DDX23: variants seen among roughly 807,000 people sequenced by gnomAD.
The protein encoded by DDX23 is DEAD-box helicase 23, also known as probable ATP-dependent RNA helicase DDX23.
A neutral mutation model predicts 102.7 loss-of-function variants in DDX23; 33 were observed. The observed-to-expected ratio is 0.32, with a 90% CI of 0.24 to 0.43. The LOEUF (loss-of-function observed/expected upper bound fraction) is 0.43, where lower values mean the gene tolerates loss of function less well. Among genes scored for constraint, DDX23 ranks in the 20% least tolerant of loss-of-function variants. The pLI, the probability that DDX23 is intolerant of heterozygous loss-of-function variation, is 1.00. For missense variants in DDX23, 549 were observed against 1,086.6 expected (o/e 0.51, Z 6.96); for synonymous variants, 352 against 376.0 (o/e 0.94, Z 0.74).
rs1448838261 is a variant in DDX23 at position 48,843,921 on chromosome 12, C to T, written c.320+19G>A. On this transcript the variant is annotated intron_variant, in intron 3 of 16. Coordinates refer to ENST00000308025, the MANE Select transcript of DDX23 (RefSeq NM_004818.3). ...AATGGGAGCATTCCCCTAAAGCCCC[C>T]TCTCATTCCTTCATGTACCTGGATC... 1.2e-6 allele frequency: 2 copies of T among 1,612,146 alleles called. No individual in the cohort carries two copies. Among genetic ancestry groups the T allele is most frequent in the African/African-American group, 1.3e-5 (1 of 74,912 alleles).
At chr12:48,848,809 T>C (rs1938711888) in intron 1 of DDX23, among the ~76,000 whole-genome samples, 2 of 150,288 alleles carry the variant, frequency 1.3e-5, no homozygotes, top group African/African-American at 4.9e-5. Flanking sequence ...TGGAGTGCAA[T>C]GGCATGATCT....
intron 1 of DDX23, among the ~76,000 whole-genome samples, chr12:48,851,483 A>AG (rs1938757973): frequency 6.6e-6 from 1 of 152,100 alleles, no homozygotes; most frequent in Non-Finnish European, 1.5e-5. Context: ...AAAAAAAAAA[A>AG]GAAAAGAAAA....
chr12:48,832,570 C>CT lies in DDX23; in HGVS notation c.1806dup (p.Val603SerfsTer35). The CT allele has an allele frequency of 1.2e-6, 2 of 1,613,836 alleles. No individual in the cohort carries two copies. The highest frequency in any genetic ancestry group is 1.7e-6 in the Non-Finnish European group (2 of 1,179,754). ...GGGGGCATGGTGGCCGTGAACATGA[C>CT]TGTCTACGAAAACAGGAGGCTCAGC... On this transcript the variant is annotated frameshift_variant, in exon 14 of 17. Coordinates refer to ENST00000308025, the MANE Select transcript of DDX23 (RefSeq NM_004818.3). The surrounding 1 kb of genome is among the most constrained non-coding windows in gnomAD (Gnocchi z 4.4).
chr12:48,851,235 G>T (rs1009449117), intron 1 of DDX23, among the ~76,000 whole-genome samples: 2 of 152,216 alleles, frequency 1.3e-5, no homozygotes, highest in Admixed American at 6.5e-5. Context: ...ACTTTAAGAG[G>T]CCGAGACAGG....
In DDX23 at chr12:48,832,946, C is replaced by A. The variant is rs922015706; in HGVS notation, c.1803+331G>T. 4.4e-6 allele frequency: 2 copies of A among 451,336 alleles called. No individual in the cohort carries two copies. The highest frequency in any genetic ancestry group is 2.0e-5 in the African/African-American group (1 of 50,726). 28.0% of individuals were successfully genotyped at this position (451,336 alleles called of 1,614,324 possible). On this transcript the variant is annotated intron_variant, in intron 13 of 16. Coordinates refer to ENST00000308025, the MANE Select transcript of DDX23 (RefSeq NM_004818.3). The surrounding 1 kb of genome is among the most constrained non-coding windows in gnomAD (Gnocchi z 4.4). The stretch of plus-strand genomic sequence containing the variant: ...ACATGTACTCTGAGCCCACCTAAGG[C>A]AAGAAAGGCCCAAAAGGAGGTTGGC...
rs762905022 is a variant in DDX23 at position 48,832,391 on chromosome 12, CCT to C, written c.1955+29_1955+30del. On this transcript the variant is annotated intron_variant, in intron 14 of 16. Coordinates refer to ENST00000308025, the MANE Select transcript of DDX23 (RefSeq NM_004818.3). This position sits in a 1 kb window ranked among gnomAD's most constrained non-coding sequence, Gnocchi z 4.4. ...TTCTCAGAGCCATTTTATTCTCCACCCTGTTTCCCCTGGCTCAGCTGCCCTCA... is the reference window on the plus strand; with the variant it reads ...TTCTCAGAGCCATTTTATTCTCCACCGTTTCCCCTGGCTCAGCTGCCCTCA... 6.9e-6 allele frequency: 11 copies of C among 1,605,044 alleles called. No homozygotes were observed. The highest frequency in any genetic ancestry group is 2.2e-5 in the East Asian group (1 of 44,608).
chr12:48,831,894 G>T (rs532310235), intron 15 of DDX23, 184 bp downstream of exon 15: 2 of 608,702 alleles, frequency 3.3e-6, no homozygotes, highest in East Asian at 5.6e-5. Context: ...GCAGACAGGG[G>T]GTCCCAGCAA....
chr12:48,835,181 G>T, intron 11 of DDX23: 1 of 273,474 alleles, frequency 3.7e-6, no homozygotes, highest in South Asian at 3.3e-5. Flanking sequence ...GGCAACGGTT[G>T]CTGTAAGCCA....
chr12:48,844,038 G>C lies in DDX23; in HGVS notation c.222C>G (p.His74Gln). The change falls in exon 3 of 17, where the codon CAC becomes CAG. Residue 74 changes from histidine (H) to glutamine (Q), a missense_variant. His to Gln is a conservative substitution (Grantham distance 24). Transcript: ENST00000308025. ...RSKSAERERR[H>Q]KERERDKERD... is the part of the protein sequence containing the mutation. ...GCTCCTTATCTCGTTCTCGTTCTTTGTGCCGTCGTTCTCTGGAAGACCGCA... is the reference window on the plus strand; with the variant it reads ...GCTCCTTATCTCGTTCTCGTTCTTTCTGCCGTCGTTCTCTGGAAGACCGCA... The C allele has an allele frequency of 6.2e-7, 1 of 1,613,836 alleles. No individual in the cohort carries two copies. The highest frequency in any genetic ancestry group is 8.5e-7 in the Non-Finnish European group (1 of 1,179,964).
At position 48,839,930 on chromosome 12, in the gene DDX23, T is replaced by C. The variant is rs1205388428; in HGVS notation, c.415-21A>G. Reference sequence around the variant, plus strand: ...TGGGCCTGAAGATAAAACAGAACTTTAGTCTATAAAGGCTCTCTCCCTTTA... The same window carrying C: ...TGGGCCTGAAGATAAAACAGAACTTCAGTCTATAAAGGCTCTCTCCCTTTA... On this transcript the variant is annotated intron_variant, in intron 4 of 16. Transcript: ENST00000308025. The C allele has an allele frequency of 3.7e-6, 6 of 1,613,956 alleles. No individual in the cohort carries two copies. In the Admixed American group the frequency reaches 8.3e-5, roughly 22 times the overall value.
intron 1 of DDX23, among the ~76,000 whole-genome samples, chr12:48,847,769 T>C (rs1938692760): frequency 6.6e-6 from 1 of 152,100 alleles, no homozygotes; most frequent in African/African-American, 2.4e-5. Context: ...TAAGCCGAGA[T>C]TGTGCCACTG....
intron 11 of DDX23, chr12:48,835,177 G>C: frequency 3.7e-6 from 1 of 272,534 alleles, no homozygotes. Context: ...GGGAGGCAAC[G>C]GTTGCTGTAA....
rs77301571 is a variant in DDX23, at chr12:48,829,898, G to A, written c.*571C>T. On this transcript the variant is annotated 3_prime_UTR_variant, in exon 17 of 17. Transcript: ENST00000308025. ...CCCCATCTACTTAGAAAATCCCCTG[G>A]GGGAGGGGATGCCTAGAGCATACAG... The A allele has an allele frequency of 6.1e-3, 1,567 of 255,078 alleles. 33 individuals are homozygous for A. Among genetic ancestry groups the A allele is most frequent in the African/African-American group, 0.033 (1,477 of 45,144 alleles). 15.8% of individuals were successfully genotyped at this position (255,078 alleles called of 1,614,324 possible). A position where few individuals can be genotyped will look rare whatever the true frequency, so the allele number is the denominator to read the frequency against.
In DDX23 at chr12:48,831,257, G is replaced by C. The variant is rs1938382144; in HGVS notation, c.2124C>G (p.Ser708=). ...TATCCTTGGCCCCAGCCTTGAGGTT[G>C]GACAACGCAAACTCTCGCTGCTCCT... is the stretch of plus-strand genomic sequence containing the variant. ...KGQEQREFAL[S]NLKAGAKDIL... is the part of the protein sequence containing the mutation. The change falls in exon 16 of 17, where the codon TCC becomes TCG. Residue 708 remains serine, a synonymous_variant. Transcript: ENST00000308025. 1 of 1,614,218 alleles carries C rather than the reference G, an allele frequency of 6.2e-7. No homozygotes were observed. Among genetic ancestry groups the C allele is most frequent in the Non-Finnish European group, 8.5e-7 (1 of 1,180,036 alleles).
chr12:48,845,340 A>C (rs1938647725), intron 2 of DDX23, among the ~76,000 whole-genome samples: 1 of 151,998 alleles, frequency 6.6e-6, no homozygotes, highest in Admixed American at 6.6e-5. Context: ...AGTCCCAGCT[A>C]CGCACTCAGG....
At chr12:48,833,239 C>A in intron 13 of DDX23, 38 bp downstream of exon 13, 1 of 1,611,588 alleles carries the variant, frequency 6.2e-7, no homozygotes, top group Non-Finnish European at 8.5e-7. Flanking sequence ...CCCGCCTTGG[C>A]CTGTCCAACT....
chr12:48,830,324 TGAG>T lies in DDX23; in HGVS notation c.*142_*144del. 1 of 1,023,386 alleles carries T rather than the reference TGAG, an allele frequency of 9.8e-7. No individual in the cohort carries two copies. Among genetic ancestry groups the T allele is most frequent in the Admixed American group, 2.0e-5 (1 of 50,324 alleles). The allele number at this position is 1,023,386 out of a possible 1,614,324, so 63.4% of individuals were successfully genotyped here. A position where few individuals can be genotyped will look rare whatever the true frequency, so the allele number is the denominator to read the frequency against. On this transcript the variant is annotated 3_prime_UTR_variant, in exon 17 of 17. Coordinates refer to ENST00000308025, the MANE Select transcript of DDX23 (RefSeq NM_004818.3). This position sits in a 1 kb window ranked among gnomAD's most constrained non-coding sequence, Gnocchi z 4.9. ...AGCCCCACACGCAGGCCTCCTGACC[TGAG>T]GGTCTGGGCTAGGGAGTTGGATTGT...
At chr12:48,841,772 GC>G (rs1938555299) in intron 3 of DDX23, among the ~76,000 whole-genome samples, 1 of 152,214 alleles carries the variant, frequency 6.6e-6, no homozygotes, top group Admixed American at 6.5e-5. Context: ...GCTCAATGGT[GC>G]CCAGGCTGGA....
chr12:48,849,811 A>C (rs1173036788), intron 1 of DDX23, among the ~76,000 whole-genome samples: 1 of 152,232 alleles, frequency 6.6e-6, no homozygotes, highest in Non-Finnish European at 1.5e-5. Flanking sequence ...GTCCAGGAAC[A>C]CGGCTTGTGC....
Sources: allele counts gnomAD v4.1 joint callset (sites outside exome capture counted in the v4.1 genomes callset), GRCh38; gene constraint gnomAD v4.1.1; non-coding constraint Gnocchi (gnomAD v3.1); transcripts MANE v1.5; gene names NCBI Gene and HGNC (gene_info 2026-07-23, HGNC 2026-07-21).